Variants in GRIK3 observed in about 807,000 individuals in gnomAD.
GRIK3 encodes glutamate receptor ionotropic, kainate 3.
In GRIK3, 29 loss-of-function variants were observed where a neutral mutation model predicts 102.5. That is an observed-to-expected ratio of 0.28 (90% CI 0.21 to 0.39). The LOEUF is 0.39. GRIK3 is among the 10% of genes least tolerant of loss of function. The probability of loss-of-function intolerance (pLI) is 1.00; values close to 1 mark genes in which losing one functional copy is unlikely to be tolerated. For missense variants in GRIK3, 908 were observed against 1,252.4 expected (o/e 0.73, Z 4.15); for synonymous variants, 511 against 504.9 (o/e 1.01, Z -0.16).
rs555174269 is a variant in GRIK3, at chr1:36,970,176, C to T, written c.115+63818G>A. 3.9e-5 allele frequency among the ~76,000 whole-genome samples: 6 copies of T among 152,282 alleles called. No homozygotes were observed. The South Asian group carries it at 1.2e-3, about 32-fold the overall frequency. On this transcript the variant is annotated intron_variant, in intron 1 of 15. Coordinates refer to ENST00000373091, the MANE Select transcript of GRIK3 (RefSeq NM_000831.4). ...GAATTGACTGGGAAAATTTTATCAA[C>T]CAACTACACAGTTTCTGCAATTTGT...
At chr1:36,958,333 G>C (rs1287063930) in intron 1 of GRIK3, among the ~76,000 whole-genome samples, 6 of 86,774 alleles carry the variant, frequency 6.9e-5, no homozygotes, top group African/African-American at 3.1e-4. Context: ...TGTGCCCCAT[G>C]AGCCTGTGTG....
chr1:36,823,660 CG>C (rs1432587419), intron 11 of GRIK3, among the ~76,000 whole-genome samples: 3 of 152,024 alleles, frequency 2.0e-5, no homozygotes, highest in Non-Finnish European at 4.4e-5. Context: ...GTGAGCTCTC[CG>C]GGGTGCCTTA....
chr1:36,852,154 C>T (rs1640593270), intron 8 of GRIK3, among the ~76,000 whole-genome samples: 1 of 152,122 alleles, frequency 6.6e-6, no homozygotes, highest in South Asian at 2.1e-4. Flanking sequence ...GAGGCCACAG[C>T]CCCTGTTATT....
At chr1:36,936,939 T>A (rs527442) in intron 1 of GRIK3, among the ~76,000 whole-genome samples, 15,885 of 152,150 alleles carry the variant, frequency 0.1, 960 homozygotes, top group South Asian at 0.16. Flanking sequence ...GGGAGCTGGA[T>A]ACAACAACAG....
At chr1:36,852,551 C>A (rs1446432786) in intron 8 of GRIK3, among the ~76,000 whole-genome samples, 1 of 152,184 alleles carries the variant, frequency 6.6e-6, no homozygotes, top group African/African-American at 2.4e-5. Context: ...CAGAGCAGGG[C>A]AGAGCTGTGC....
rs185564298 is a variant in GRIK3 at position 36,971,652 on chromosome 1, G to A, written c.115+62342C>T. ...ATCAGAAGCCTCTTAGAAGTTCTTG[G>A]CAGCTCCTAGAACCTTGCCCCAATC... On this transcript the variant is annotated intron_variant, in intron 1 of 15. Coordinates refer to ENST00000373091, the MANE Select transcript of GRIK3 (RefSeq NM_000831.4). Among the ~76,000 whole-genome samples the A allele has an allele frequency of 2.0e-3, 307 of 152,228 alleles. 7 individuals are homozygous for A. Among genetic ancestry groups the A allele is most frequent in the Non-Finnish European group, 1.0e-3 (71 of 68,016 alleles).
chr1:37,026,410 G>A (rs1642764838), intron 1 of GRIK3, among the ~76,000 whole-genome samples: 1 of 152,226 alleles, frequency 6.6e-6, no homozygotes, highest in Non-Finnish European at 1.5e-5. Context: ...GCTGCATGGA[G>A]TATGGGGCAC....
chr1:36,837,624 G>A (rs1478879975), intron 10 of GRIK3, among the ~76,000 whole-genome samples: 3 of 152,096 alleles, frequency 2.0e-5, no homozygotes, highest in Non-Finnish European at 4.4e-5. Flanking sequence ...ACTTCAGTGG[G>A]TTCAGATTCT....
Position 36,822,964 on chromosome 1 carries a change from T to A in GRIK3, c.1754+2639A>T, listed in dbSNP as rs113548987. Among the ~76,000 whole-genome samples the A allele has an allele frequency of 2.8e-3, 422 of 152,168 alleles. 1 individual carries two copies. Among genetic ancestry groups the A allele is most frequent in the African/African-American group, 9.4e-3 (392 of 41,512 alleles). On this transcript the variant is annotated intron_variant, in intron 11 of 15. Transcript: ENST00000373091. The stretch of plus-strand genomic sequence containing the variant: ...GGTCCCCTGGTGTGGGCCAAACAGG[T>A]CAGGCCAGGCCAGCGTGCAAGATGG...
At chr1:36,952,973 C>T (rs190696612) in intron 1 of GRIK3, among the ~76,000 whole-genome samples, 2 of 152,208 alleles carry the variant, frequency 1.3e-5, no homozygotes, top group African/African-American at 4.8e-5. Context: ...ATCAGCATCA[C>T]CATCAGGGTG....
At chr1:36,857,297 G>C (rs919165765) in intron 7 of GRIK3, among the ~76,000 whole-genome samples, 2 of 152,160 alleles carry the variant, frequency 1.3e-5, no homozygotes, top group African/African-American at 4.8e-5. Flanking sequence ...GCTGAGGAAG[G>C]GGGTACAGGG....
chr1:37,015,294 A>C (rs1557464120), intron 1 of GRIK3, among the ~76,000 whole-genome samples: 1 of 152,212 alleles, frequency 6.6e-6, no homozygotes, highest in Non-Finnish European at 1.5e-5. Flanking sequence ...AAACCCCAGC[A>C]GGTGGGAAAG....
chr1:36,875,760 G>A (rs569821845), intron 3 of GRIK3, among the ~76,000 whole-genome samples: 2 of 152,354 alleles, frequency 1.3e-5, no homozygotes, highest in South Asian at 2.1e-4. Flanking sequence ...CACTGACCCT[G>A]TGGACTTGTG....
At chr1:36,878,925 C>A (rs1640936953) in intron 3 of GRIK3, among the ~76,000 whole-genome samples, 1 of 152,138 alleles carries the variant, frequency 6.6e-6, no homozygotes, top group Non-Finnish European at 1.5e-5. Flanking sequence ...AATCCAGAAG[C>A]ATGTATGAAT....
intron 1 of GRIK3, among the ~76,000 whole-genome samples, chr1:37,032,231 T>C (rs555317018): frequency 1.3e-5 from 2 of 152,318 alleles, no homozygotes; most frequent in South Asian, 4.1e-4. Context: ...TCCCAGCTTA[T>C]CCCTCTGAGG....
At chr1:36,802,241 T>G (rs184746950) in intron 15 of GRIK3, among the ~76,000 whole-genome samples, 196 bp from the exon 16 acceptor site, 3 of 152,204 alleles carry the variant, frequency 2.0e-5, no homozygotes, top group Non-Finnish European at 4.4e-5. Context: ...CCTGACATTC[T>G]TGTTTGGAGA....
intron 1 of GRIK3, among the ~76,000 whole-genome samples, chr1:37,001,991 C>T (rs570403669): frequency 1.2e-4 from 18 of 152,114 alleles, no homozygotes; most frequent in African/African-American, 3.4e-4. Flanking sequence ...GGATGAGGCA[C>T]CAACTCTGCC....
intron 14 of GRIK3, 111 bp downstream of exon 14, chr1:36,805,993 C>A: frequency 1.7e-6 from 1 of 572,442 alleles, no homozygotes; most frequent in East Asian, 3.1e-5. Flanking sequence ...GAAAACGTCA[C>A]CTTTATCAGC....
chr1:36,910,942 T>G lies in GRIK3; in HGVS notation c.116-19846A>C, dbSNP rs571941. ...GTCAAGGTGAGAACGCTCCATGTGA[T>G]AACCACGGACTAAACACTGGGGAGA... On this transcript the variant is annotated intron_variant, in intron 1 of 15. Coordinates refer to ENST00000373091, the MANE Select transcript of GRIK3 (RefSeq NM_000831.4). 3.1e-4 allele frequency among the ~76,000 whole-genome samples: 47 copies of G among 152,248 alleles called. 2 individuals carry two copies. Among genetic ancestry groups the G allele is most frequent in the African/African-American group, 1.1e-3 (47 of 41,542 alleles).
Sources: gnomAD v4.1 joint callset for allele counts (sites outside exome capture counted in the v4.1 genomes callset) on GRCh38, gnomAD v4.1.1 for gene constraint, MANE v1.5 for transcripts, NCBI Gene and HGNC (gene_info 2026-07-23, HGNC 2026-07-21) for gene names.